Variants in PDE7B observed in about 807,000 individuals in gnomAD.
PDE7B encodes the protein phosphodiesterase 7B.
In PDE7B, 29 loss-of-function variants were observed where a neutral mutation model predicts 56.2. That is an observed-to-expected ratio of 0.52 (90% CI 0.38 to 0.70). PDE7B has a LOEUF of 0.70. Ranked by LOEUF, PDE7B falls within the 30% of genes least tolerant of loss-of-function variation. The probability of loss-of-function intolerance (pLI) is 0.00; values close to 1 mark genes in which losing one functional copy is unlikely to be tolerated. For synonymous variants in PDE7B, 197 were observed against 196.9 expected (o/e 1.00, Z 0.00); for missense variants, 490 against 565.0 (o/e 0.87, Z 1.35).
At chr6:136,182,007 T>G (rs2128451360) in intron 11 of PDE7B, among the ~76,000 whole-genome samples, 1 of 152,308 alleles carries the variant, frequency 6.6e-6, no homozygotes, top group South Asian at 2.1e-4. Flanking sequence ...TGGGTTTCAA[T>G]GTGCAGGATG....
intron 2 of PDE7B, among the ~76,000 whole-genome samples, chr6:136,092,226 G>A (rs1777399034): frequency 6.6e-6 from 1 of 152,116 alleles, no homozygotes; most frequent in Admixed American, 6.5e-5. Flanking sequence ...ATATGTAATA[G>A]TTTTTCAGTT....
chr6:135,917,876 GC>G (rs1349385061), intron 1 of PDE7B, among the ~76,000 whole-genome samples: 1 of 152,168 alleles, frequency 6.6e-6, no homozygotes, highest in African/African-American at 2.4e-5. Context: ...GGAGATCTCA[GC>G]TGCATGCCCA....
chr6:136,068,089 T>G (rs1776976761), intron 2 of PDE7B, among the ~76,000 whole-genome samples: 2 of 152,144 alleles, frequency 1.3e-5, no homozygotes, highest in Non-Finnish European at 2.9e-5. Context: ...TGTAAAATAT[T>G]TGAAGAGAGT....
rs752187218 is a variant in PDE7B at position 136,191,013 on chromosome 6, C to CTTTTTTTTTTT, written c.1127-587_1127-577dup. Among the ~76,000 whole-genome samples, 8 of 99,298 alleles carry CTTTTTTTTTTT rather than the reference C, an allele frequency of 8.1e-5. 1 individual carries two copies. Among genetic ancestry groups the CTTTTTTTTTTT allele is most frequent in the African/African-American group, 5.4e-4 (6 of 11,132 alleles). The allele number at this position is 99,298 out of a possible 152,430, so 65.1% of individuals were successfully genotyped here. A position where few individuals can be genotyped will look rare whatever the true frequency, so the allele number is the denominator to read the frequency against. Reference sequence around the variant, plus strand: ...CTGCCTTCTTTAGCTCCAGCATACACTTTTTTTTTTTTTTTTTTTTTTTTA... The same window carrying CTTTTTTTTTTT: ...CTGCCTTCTTTAGCTCCAGCATACACTTTTTTTTTTTTTTTTTTTTTTTTTTTTTTTTTTTA... On this transcript the variant is annotated intron_variant, in intron 12 of 12. Transcript: ENST00000308191.
chr6:136,044,418 C>T (rs1444449201), intron 2 of PDE7B: 1 of 152,138 alleles, frequency 6.6e-6, no homozygotes, highest in Non-Finnish European at 1.5e-5. Flanking sequence ...CCATCAGATG[C>T]ATGAATGAAC....
chr6:136,167,282 G>T (rs1778810181), intron 8 of PDE7B, among the ~76,000 whole-genome samples: 1 of 151,978 alleles, frequency 6.6e-6, no homozygotes, highest in African/African-American at 2.4e-5. Context: ...ATTGTTTATT[G>T]CCTGTCTCTC....
At chr6:135,903,683 A>G (rs1193130250) in intron 1 of PDE7B, among the ~76,000 whole-genome samples, 1 of 152,226 alleles carries the variant, frequency 6.6e-6, no homozygotes, top group Non-Finnish European at 1.5e-5. Context: ...TAGCACACAC[A>G]TTAGAATTAA....
chr6:136,011,234 G>T (rs1775889500), intron 2 of PDE7B, among the ~76,000 whole-genome samples: 1 of 152,028 alleles, frequency 6.6e-6, no homozygotes. Flanking sequence ...AGAGATCAGG[G>T]TATCAGGGTA....
At chr6:135,871,847 G>GTAACTAT (rs71729009) in intron 1 of PDE7B, among the ~76,000 whole-genome samples, 14,788 of 151,972 alleles carry the variant, frequency 0.097, 1,132 homozygotes, top group African/African-American at 0.2. Flanking sequence ...AAAGATCTAA[G>GTAACTAT]TAACTATTAA....
intron 2 of PDE7B, among the ~76,000 whole-genome samples, chr6:136,024,298 T>G (rs1322395857): frequency 6.6e-6 from 1 of 152,176 alleles, no homozygotes; most frequent in Admixed American, 6.5e-5. Flanking sequence ...AGATCAATAG[T>G]GAGGTAAAGG....
intron 2 of PDE7B, among the ~76,000 whole-genome samples, chr6:135,949,484 A>G (rs1774658401): frequency 6.6e-6 from 1 of 152,082 alleles, no homozygotes; most frequent in Non-Finnish European, 1.5e-5. Flanking sequence ...CTAAAATTAG[A>G]AATGCATTTA....
chr6:135,884,100 G>A (rs1775659941), intron 1 of PDE7B, among the ~76,000 whole-genome samples: 2 of 152,174 alleles, frequency 1.3e-5, no homozygotes, highest in Admixed American at 6.5e-5. Context: ...AATTATAGCA[G>A]CTCATATCCC....
At chr6:135,860,173 T>G (rs1775118377) in intron 1 of PDE7B, among the ~76,000 whole-genome samples, 1 of 152,022 alleles carries the variant, frequency 6.6e-6, no homozygotes, top group African/African-American at 2.4e-5. Context: ...AGATCGGGAT[T>G]TGTTATGCCC....
At chr6:135,901,466 A>C (rs2128191810) in intron 1 of PDE7B, among the ~76,000 whole-genome samples, 1 of 152,352 alleles carries the variant, frequency 6.6e-6, no homozygotes, top group East Asian at 1.9e-4. Context: ...AGCTCATAGC[A>C]GATGACTGAA....
chr6:136,039,451 G>A lies in PDE7B; in HGVS notation c.83-69280G>A, dbSNP rs79528569. ...TCCTGGCGTGCCATTGGCGGTGAGG[G>A]ATGGGGTAGATGGAAAAGATACATC... On this transcript the variant is annotated intron_variant, in intron 2 of 12. Transcript: ENST00000308191. Among the ~76,000 whole-genome samples, 863 of 152,304 alleles carry A rather than the reference G, an allele frequency of 5.7e-3. 8 individuals carry two copies. The highest frequency in any genetic ancestry group is 0.02 in the African/African-American group (819 of 41,556).
intron 2 of PDE7B, among the ~76,000 whole-genome samples, chr6:135,990,455 T>C (rs1180907267): frequency 6.6e-6 from 1 of 152,162 alleles, no homozygotes; most frequent in African/African-American, 2.4e-5. Flanking sequence ...TTGAAGACCA[T>C]GAGCTTTGGG....
At chr6:135,912,321 A>G (rs1776226953) in intron 1 of PDE7B, among the ~76,000 whole-genome samples, 1 of 152,244 alleles carries the variant, frequency 6.6e-6, no homozygotes, top group South Asian at 2.1e-4. Flanking sequence ...ATACAAATTT[A>G]AAACTCAATA....
chr6:135,999,525 G>T (rs905575498), intron 2 of PDE7B, among the ~76,000 whole-genome samples: 1 of 151,916 alleles, frequency 6.6e-6, no homozygotes, highest in Non-Finnish European at 1.5e-5. Context: ...TTGGTTTTCT[G>T]TTCCTGTGTT....
intron 2 of PDE7B, among the ~76,000 whole-genome samples, chr6:136,006,572 A>G (rs957499231): frequency 6.6e-6 from 1 of 151,820 alleles, no homozygotes; most frequent in African/African-American, 2.4e-5. Flanking sequence ...TTTGTTTGTC[A>G]TATCTAGTTT....
Sources: allele counts gnomAD v4.1 joint callset (sites outside exome capture counted in the v4.1 genomes callset), GRCh38; gene constraint gnomAD v4.1.1; transcripts MANE v1.5; gene names NCBI Gene and HGNC (gene_info 2026-07-23, HGNC 2026-07-21).